TRIM9: variants seen among roughly 807,000 people sequenced by gnomAD.
The protein encoded by TRIM9 is E3 ubiquitin-protein ligase TRIM9.
In TRIM9, 26 loss-of-function variants were observed where a neutral mutation model predicts 78.3. The ratio of observed to expected loss-of-function variants is 0.33; its 90% CI spans 0.24 to 0.46. The LOEUF is 0.46. Among genes scored for constraint, TRIM9 ranks in the 20% least tolerant of loss-of-function variants. The probability of loss-of-function intolerance (pLI) is 1.00; values close to 1 mark genes in which losing one functional copy is unlikely to be tolerated. For missense variants in TRIM9, 787 were observed against 1,036.4 expected (o/e 0.76, Z 3.30); for synonymous variants, 398 against 416.5 (o/e 0.96, Z 0.54).
At chr14:51,033,443 G>A (rs538410277) in intron 1 of TRIM9, among the ~76,000 whole-genome samples, 10 of 152,278 alleles carry the variant, frequency 6.6e-5, no homozygotes, top group Admixed American at 3.9e-4. Flanking sequence ...CATAAATCAC[G>A]AAAACACTTT....
chr14:50,977,861 C>T (rs1217204686), intron 12 of TRIM9, among the ~76,000 whole-genome samples: 21 of 152,208 alleles, frequency 1.4e-4, no homozygotes, highest in Non-Finnish European at 1.5e-5. Context: ...TATCCCCAAA[C>T]CTCAATGGAT....
intron 4 of TRIM9, among the ~76,000 whole-genome samples, chr14:51,009,475 T>C (rs2056290165): frequency 6.6e-6 from 1 of 152,212 alleles, no homozygotes; most frequent in South Asian, 2.1e-4. Context: ...TGTTAACTGA[T>C]TTATTAGACA....
intron 1 of TRIM9, among the ~76,000 whole-genome samples, chr14:51,084,907 G>A (rs913732151): frequency 6.6e-6 from 1 of 152,190 alleles, no homozygotes; most frequent in Non-Finnish European, 1.5e-5. Context: ...TTGAGCCTGT[G>A]TATATTTGAC....
chr14:51,004,832 G>T (rs1287466125), intron 5 of TRIM9, among the ~76,000 whole-genome samples: 2 of 152,176 alleles, frequency 1.3e-5, no homozygotes, highest in Non-Finnish European at 2.9e-5. Context: ...CCGGTGTTTA[G>T]AAATAGTGTA....
At chr14:51,040,297 C>T (rs80006885) in intron 1 of TRIM9, among the ~76,000 whole-genome samples, 11,643 of 152,192 alleles carry the variant, frequency 0.077, 567 homozygotes, top group Middle Eastern at 0.12. Flanking sequence ...GATGCTGGTG[C>T]CCCTCACTCA....
chr14:51,051,372 CTCTT>C (rs2060409294), intron 1 of TRIM9, among the ~76,000 whole-genome samples: 1 of 152,328 alleles, frequency 6.6e-6, no homozygotes, highest in East Asian at 1.9e-4. Context: ...CATTCCCTCT[CTCTT>C]TGGCCTGCCC....
intron 1 of TRIM9, among the ~76,000 whole-genome samples, chr14:51,077,386 GTTTTTTTTTTTTT>G (rs146912763): frequency 1.0e-5 from 1 of 97,702 alleles, no homozygotes. Flanking sequence ...CTCCAATTCT[GTTTTTTTTTTTTT>G]TTTTTTTTTT....
intron 1 of TRIM9, among the ~76,000 whole-genome samples, chr14:51,027,707 A>G (rs1023934309): frequency 6.6e-6 from 1 of 152,222 alleles, no homozygotes; most frequent in Non-Finnish European, 1.5e-5. Context: ...CTCCTCAATA[A>G]CTATTAATAT....
intron 1 of TRIM9, among the ~76,000 whole-genome samples, chr14:51,063,169 G>A (rs533212788): frequency 6.6e-6 from 1 of 152,080 alleles, no homozygotes; most frequent in Non-Finnish European, 1.5e-5. Context: ...CTATAAAAAA[G>A]GCATCAAATG....
chr14:51,044,069 ATTTTTAATTTG>A (rs2059763692), intron 1 of TRIM9, among the ~76,000 whole-genome samples: 1 of 152,194 alleles, frequency 6.6e-6, no homozygotes, highest in Non-Finnish European at 1.5e-5. Context: ...TTTTTAAACA[ATTTTTAATTTG>A]TTTTTAATTT....
intron 3 of TRIM9, among the ~76,000 whole-genome samples, chr14:51,014,712 T>C (rs976875132): frequency 6.6e-6 from 1 of 152,230 alleles, no homozygotes; most frequent in Non-Finnish European, 1.5e-5. Context: ...GCGTTACTCA[T>C]ACCACATTTT....
intron 1 of TRIM9, among the ~76,000 whole-genome samples, chr14:51,087,973 TGA>T (rs1180742887): frequency 6.6e-6 from 1 of 152,204 alleles, no homozygotes; most frequent in Non-Finnish European, 1.5e-5. Flanking sequence ...AATCATTTTT[TGA>T]GTTATTTACA....
At chr14:51,034,480 G>C (rs376582628) in intron 1 of TRIM9, among the ~76,000 whole-genome samples, 2 of 152,112 alleles carry the variant, frequency 1.3e-5, no homozygotes, top group Non-Finnish European at 2.9e-5. Context: ...TGACATACAG[G>C]AAAGAAGTAC....
chr14:51,056,948 G>T (rs1034084910), intron 1 of TRIM9, among the ~76,000 whole-genome samples: 4 of 152,184 alleles, frequency 2.6e-5, no homozygotes, highest in Admixed American at 1.3e-4. Context: ...TCTTGTACCT[G>T]TTAATATTCA....
Sources: gnomAD v4.1 joint callset for allele counts (sites outside exome capture counted in the v4.1 genomes callset) on GRCh38, gnomAD v4.1.1 for gene constraint, MANE v1.5 for transcripts, NCBI Gene and HGNC (gene_info 2026-07-23, HGNC 2026-07-21) for gene names.